CAMTA1: variants seen among roughly 807,000 people sequenced by gnomAD.
The protein encoded by CAMTA1 is calmodulin-binding transcription activator 1.
A neutral mutation model predicts 170.9 loss-of-function variants in CAMTA1; 27 were observed. The observed-to-expected ratio is 0.16, with a 90% CI of 0.12 to 0.22. The LOEUF is 0.22. Ranked by LOEUF, CAMTA1 falls within the 10% of genes least tolerant of loss-of-function variation. The pLI, the probability that CAMTA1 is intolerant of heterozygous loss-of-function variation, is 1.00. For synonymous variants in CAMTA1, 833 were observed against 891.5 expected (o/e 0.93, Z 1.17); for missense variants, 1,619 against 2,217.2 (o/e 0.73, Z 5.42).
At chr1:7,152,026 A>C (rs1414054507) in intron 4 of CAMTA1, among the ~76,000 whole-genome samples, 1 of 152,150 alleles carries the variant, frequency 6.6e-6, no homozygotes, top group Admixed American at 6.5e-5. Context: ...GTAATTTGCA[A>C]AGTCACTTTC....
rs528048498 is a variant in CAMTA1 at position 7,737,427 on chromosome 1, C to A, written c.3515C>A (p.Ala1172Asp). The change falls in exon 15 of 23, where the codon GCT (alanine) becomes GAT (aspartate). Residue 1172 changes from alanine (A) to aspartate (D), a missense_variant. Coordinates refer to ENST00000303635, the MANE Select transcript of CAMTA1 (RefSeq NM_015215.4). ...CLEHLQRDEQ[A>D]QLGQNPRIHC... is the part of the protein sequence containing the mutation. ...GAGCACCTGCAGAGAGATGAGCAGG[C>A]TCAGCTGGGACAGAACCCCAGAATC... 5 of 1,614,182 alleles carry A rather than the reference C, an allele frequency of 3.1e-6. No individual in the cohort carries two copies. Among genetic ancestry groups the A allele is most frequent in the Non-Finnish European group, 4.2e-6 (5 of 1,180,002 alleles).
chr1:6,927,596 G>C (rs1683571373), intron 3 of CAMTA1, among the ~76,000 whole-genome samples: 1 of 152,276 alleles, frequency 6.6e-6, no homozygotes, highest in East Asian at 1.9e-4. Flanking sequence ...GTTTCATATT[G>C]ATTTTTGTGA....
chr1:6,869,456 G>A (rs56181313), intron 3 of CAMTA1, among the ~76,000 whole-genome samples: 18,483 of 152,168 alleles, frequency 0.12, 1,682 homozygotes, highest in Admixed American at 0.28. Flanking sequence ...CAAACAGACC[G>A]GACTCAGAAT....
chr1:6,855,275 C>G (rs1234080951), intron 3 of CAMTA1, among the ~76,000 whole-genome samples: 1 of 151,724 alleles, frequency 6.6e-6, no homozygotes, highest in Non-Finnish European at 1.5e-5. Flanking sequence ...CCTCATAGGG[C>G]TATAAAGAAA....
intron 6 of CAMTA1, among the ~76,000 whole-genome samples, chr1:7,560,523 C>T (rs959471329): frequency 1.3e-5 from 2 of 152,214 alleles, no homozygotes; most frequent in Non-Finnish European, 1.5e-5. Flanking sequence ...CCATCAGGCC[C>T]CAAGGATACT....
intron 5 of CAMTA1, chr1:7,388,163 G>C (rs2088227473): frequency 6.6e-6 from 1 of 152,178 alleles, no homozygotes; most frequent in Non-Finnish European, 1.5e-5. Flanking sequence ...CTTTCTCCGG[G>C]GGTCGTTGTG....
intron 6 of CAMTA1, among the ~76,000 whole-genome samples, chr1:7,563,967 G>T (rs192672171): frequency 1.3e-5 from 2 of 152,164 alleles, no homozygotes; most frequent in Admixed American, 6.5e-5. Flanking sequence ...GGGGCTGGGT[G>T]GGGGGTAGAC....
At chr1:7,382,090 A>G (rs1046085838) in intron 5 of CAMTA1, among the ~76,000 whole-genome samples, 4 of 152,218 alleles carry the variant, frequency 2.6e-5, no homozygotes, top group African/African-American at 7.2e-5. Flanking sequence ...TCCAGCCAGC[A>G]GGAAAGGAGA....
At chr1:7,490,886 G>A (rs1232805817) in intron 6 of CAMTA1, among the ~76,000 whole-genome samples, 1 of 152,192 alleles carries the variant, frequency 6.6e-6, no homozygotes, top group Non-Finnish European at 1.5e-5. Context: ...TGGGCCTCCA[G>A]GCTGAGGACA....
At chr1:7,276,639 ACTTCCTT>A (rs1670774216) in intron 5 of CAMTA1, among the ~76,000 whole-genome samples, 1 of 151,932 alleles carries the variant, frequency 6.6e-6, no homozygotes, top group Non-Finnish European at 1.5e-5. Context: ...ATATTCTTGT[ACTTCCTT>A]CTAAGACTGG....
chr1:7,429,371 T>C (rs1264799024), intron 5 of CAMTA1, among the ~76,000 whole-genome samples: 1 of 152,194 alleles, frequency 6.6e-6, no homozygotes, highest in Admixed American at 6.5e-5. Flanking sequence ...ATGATGGGCA[T>C]AATGGTGGTG....
At chr1:7,344,892 G>A (rs149242714) in intron 5 of CAMTA1, among the ~76,000 whole-genome samples, 2,280 of 148,154 alleles carry the variant, frequency 0.015, 43 homozygotes, top group African/African-American at 0.053. Context: ...GACCACAGGC[G>A]CCTGCCACCA....
At chr1:7,584,142 A>T (rs1419780155) in intron 6 of CAMTA1, among the ~76,000 whole-genome samples, 1 of 152,044 alleles carries the variant, frequency 6.6e-6, no homozygotes, top group Non-Finnish European at 1.5e-5. Context: ...TTTATTCATG[A>T]TGCTTGTTAA....
intron 5 of CAMTA1, among the ~76,000 whole-genome samples, chr1:7,431,448 T>C (rs2092148118): frequency 6.6e-6 from 1 of 152,210 alleles, no homozygotes; most frequent in African/African-American, 2.4e-5. Flanking sequence ...GTACAGGTCC[T>C]ACTGTGCCTT....
At chr1:7,322,132 A>G (rs1678513331) in intron 5 of CAMTA1, among the ~76,000 whole-genome samples, 3 of 152,056 alleles carry the variant, frequency 2.0e-5, no homozygotes, top group African/African-American at 7.2e-5. Context: ...GGGGTTATCA[A>G]TTTTTTGAGC....
At chr1:7,330,820 G>A (rs186413443) in intron 5 of CAMTA1, among the ~76,000 whole-genome samples, 27 of 152,328 alleles carry the variant, frequency 1.8e-4, no homozygotes, top group Admixed American at 3.3e-4. Flanking sequence ...AGCCTGGCCC[G>A]CAGGAGCTGT....
intron 6 of CAMTA1, among the ~76,000 whole-genome samples, chr1:7,481,801 C>T (rs200169333): frequency 2.0e-5 from 3 of 147,168 alleles, no homozygotes; most frequent in African/African-American, 5.0e-5. Context: ...GCATACAGTT[C>T]TTTTTTTTTT....
Position 7,682,111 on chromosome 1 carries a change from C to T in CAMTA1, c.2914+4378C>T, listed in dbSNP as rs978817589. On this transcript the variant is annotated intron_variant, in intron 11 of 22. Transcript: ENST00000303635. The surrounding 1 kb of genome is among the most constrained non-coding windows in gnomAD (Gnocchi z 5.0). ...GGTGAGAGGATTGGAGTGAGACCTGCGTGCAGCTCCCCTGGGCTTGGCTGG... is the reference window on the plus strand; with the variant it reads ...GGTGAGAGGATTGGAGTGAGACCTGTGTGCAGCTCCCCTGGGCTTGGCTGG... Among the ~76,000 whole-genome samples, 1 of 152,082 alleles carries T rather than the reference C, an allele frequency of 6.6e-6. No homozygotes were observed. The highest frequency in any genetic ancestry group is 1.5e-5 in the Non-Finnish European group (1 of 68,020).
At chr1:7,407,278 C>G (rs948938052) in intron 5 of CAMTA1, among the ~76,000 whole-genome samples, 2 of 152,200 alleles carry the variant, frequency 1.3e-5, no homozygotes, top group Non-Finnish European at 2.9e-5. Flanking sequence ...GTAGTAACTG[C>G]AGGGGAAGAT....
Sources: gnomAD v4.1 joint callset for allele counts (sites outside exome capture counted in the v4.1 genomes callset) on GRCh38, gnomAD v4.1.1 for gene constraint, Gnocchi (gnomAD v3.1) non-coding constraint, MANE v1.5 for transcripts, NCBI Gene and HGNC (gene_info 2026-07-23, HGNC 2026-07-21) for gene names.